PDZRN4: variants seen among roughly 807,000 people sequenced by gnomAD.
PDZRN4 encodes the protein PDZ domain containing ring finger 4, also known as PDZ domain-containing RING finger protein 4.
In PDZRN4, 70 loss-of-function variants were observed where a neutral mutation model predicts 99.0. The ratio of observed to expected loss-of-function variants is 0.71; its 90% CI spans 0.58 to 0.86. The LOEUF is 0.86. Among genes scored for constraint, PDZRN4 ranks in the 40% least tolerant of loss-of-function variants. PDZRN4 has a pLI of 0.00. For missense variants in PDZRN4, 1,474 were observed against 1,331.2 expected, an observed-to-expected ratio of 1.11 and a Z score of -1.67; for synonymous variants, 551 against 501.6, an observed-to-expected ratio of 1.10 and a Z score of -1.32.
intron 3 of PDZRN4, among the ~76,000 whole-genome samples, chr12:41,233,743 A>T (rs901420280): frequency 1.3e-5 from 2 of 151,868 alleles, no homozygotes; most frequent in African/African-American, 2.4e-5. Context: ...AACAATGAGA[A>T]CACATGGACA....
intron 3 of PDZRN4, among the ~76,000 whole-genome samples, chr12:41,341,304 G>C (rs1200838434): frequency 6.6e-6 from 1 of 151,760 alleles, no homozygotes; most frequent in African/African-American, 2.4e-5. Flanking sequence ...ACATTACAAA[G>C]GTGCCTACTT....
intron 5 of PDZRN4, among the ~76,000 whole-genome samples, chr12:41,546,759 G>C (rs575220555): frequency 6.6e-6 from 1 of 152,208 alleles, no homozygotes. Flanking sequence ...CAACAGGTTC[G>C]AGCTCTAGCG....
chr12:41,570,082 C>T (rs1474553188), intron 9 of PDZRN4, among the ~76,000 whole-genome samples: 3 of 152,056 alleles, frequency 2.0e-5, no homozygotes, highest in South Asian at 2.1e-4. Context: ...AAAGTGACAA[C>T]GGTGTCAAAC....
At chr12:41,205,883 T>A (rs1254899226) in intron 3 of PDZRN4, among the ~76,000 whole-genome samples, 4 of 151,948 alleles carry the variant, frequency 2.6e-5, no homozygotes, top group African/African-American at 4.8e-5. Context: ...CTTCCCCTGT[T>A]CCTTCATTAC....
chr12:41,259,334 A>G (rs1951222895), intron 3 of PDZRN4, among the ~76,000 whole-genome samples: 2 of 152,154 alleles, frequency 1.3e-5, no homozygotes, highest in African/African-American at 2.4e-5. Flanking sequence ...ACAAATACAT[A>G]GAAAGAAACC....
chr12:41,193,266 A>T (rs1300632801), intron 2 of PDZRN4, among the ~76,000 whole-genome samples: 2 of 152,340 alleles, frequency 1.3e-5, no homozygotes, highest in African/African-American at 4.8e-5. Flanking sequence ...GGGCCTTTTT[A>T]AAAAGTCTCT....
chr12:41,495,380 C>A (rs115877565), intron 3 of PDZRN4, among the ~76,000 whole-genome samples: 7 of 152,148 alleles, frequency 4.6e-5, no homozygotes, highest in African/African-American at 1.7e-4. Flanking sequence ...TATTTCTGCA[C>A]GGTGTGGATT....
At chr12:41,212,409 A>G (rs1049769910) in intron 3 of PDZRN4, among the ~76,000 whole-genome samples, 2 of 152,012 alleles carry the variant, frequency 1.3e-5, no homozygotes, top group Non-Finnish European at 2.9e-5. Context: ...TTCCAAGTGG[A>G]ATACCCATGT....
intron 3 of PDZRN4, among the ~76,000 whole-genome samples, chr12:41,431,238 A>C (rs565840136): frequency 6.6e-6 from 1 of 152,234 alleles, no homozygotes; most frequent in African/African-American, 2.4e-5. Flanking sequence ...TATTGGGCAC[A>C]TACGTACTCT....
intron 8 of PDZRN4, among the ~76,000 whole-genome samples, chr12:41,565,314 A>G (rs1939345130): frequency 6.6e-6 from 1 of 151,926 alleles, no homozygotes; most frequent in Non-Finnish European, 1.5e-5. Context: ...CCTTCATGAC[A>G]CTGGAAGGAA....
rs3747556 is a variant in PDZRN4, at chr12:41,573,875, G to A, written c.3096G>A (p.Ser1032=). ...DGTRVHNAFL[S]VTTV is the part of the protein sequence containing the mutation. ...CGAGAGTCCATAATGCCTTCTTGTC[G>A]GTGACCACTGTATGACCGAATGAAT... Residue 1032 remains serine, a synonymous_variant, in exon 10 of 10, where the codon TCG becomes TCA. Transcript: ENST00000402685. 184,839 of 1,566,228 alleles carry A rather than the reference G, an allele frequency of 0.12. 12,117 individuals carry two copies. Among genetic ancestry groups the A allele is most frequent in the East Asian group, 0.23 (10,483 of 44,646 alleles).
At chr12:41,373,042 G>A (rs974360600) in intron 3 of PDZRN4, among the ~76,000 whole-genome samples, 14 of 152,094 alleles carry the variant, frequency 9.2e-5, no homozygotes, top group East Asian at 1.9e-4. Flanking sequence ...AGCAGGTTCC[G>A]TGATGCCCCC....
intron 3 of PDZRN4, among the ~76,000 whole-genome samples, chr12:41,279,549 A>G (rs1357506906): frequency 1.3e-5 from 2 of 152,176 alleles, no homozygotes; most frequent in Non-Finnish European, 2.9e-5. Context: ...TGGTTTTTCT[A>G]GGAAAGCTTG....
intron 3 of PDZRN4, among the ~76,000 whole-genome samples, chr12:41,230,377 G>A (rs1951020396): frequency 1.3e-5 from 2 of 152,022 alleles, no homozygotes; most frequent in Admixed American, 6.6e-5. Flanking sequence ...CAGGATAACT[G>A]TAATGAATAT....
intron 3 of PDZRN4, among the ~76,000 whole-genome samples, chr12:41,452,594 TA>T (rs1952784677): frequency 6.6e-6 from 1 of 152,180 alleles, no homozygotes; most frequent in Admixed American, 6.5e-5. Context: ...TGCTACATTT[TA>T]ATTAGTTACT....
rs569859354 is a variant in PDZRN4 at position 41,551,128 on chromosome 12, G to C, written c.1204-1528G>C. ...TTATCACAGTTCTAGAGTTTAGGAA[G>C]TAGAAGATCAAGGCACCAGGAGTTT... On this transcript the variant is annotated intron_variant, in intron 5 of 9. Transcript: ENST00000402685. Among the ~76,000 whole-genome samples, 6 of 152,280 alleles carry C rather than the reference G, an allele frequency of 3.9e-5. No homozygotes were observed. In the South Asian group the frequency reaches 1.2e-3, roughly 32 times the overall value.
intron 8 of PDZRN4, among the ~76,000 whole-genome samples, chr12:41,567,324 C>T (rs1217544432): frequency 6.6e-6 from 1 of 152,012 alleles, no homozygotes; most frequent in Non-Finnish European, 1.5e-5. Context: ...AAGAAAAAAG[C>T]AGGATGAGGA....
chr12:41,352,057 T>C (rs1951894195), intron 3 of PDZRN4, among the ~76,000 whole-genome samples: 1 of 151,760 alleles, frequency 6.6e-6, no homozygotes, highest in South Asian at 2.1e-4. Context: ...ATAAATAGCA[T>C]GAAAACTAAG....
chr12:41,399,750 A>G (rs1363327254), intron 3 of PDZRN4, among the ~76,000 whole-genome samples: 1 of 151,790 alleles, frequency 6.6e-6, no homozygotes, highest in Non-Finnish European at 1.5e-5. Context: ...AAAAAAAAAA[A>G]GTATTTCAAC....
Sources: gnomAD v4.1 joint callset for allele counts (sites outside exome capture counted in the v4.1 genomes callset) on GRCh38, gnomAD v4.1.1 for gene constraint, MANE v1.5 for transcripts, NCBI Gene and HGNC (gene_info 2026-07-23, HGNC 2026-07-21) for gene names.